Variants in GHR observed in about 807,000 individuals in gnomAD.
GHR encodes growth hormone receptor, also known as GH receptor.
Under a neutral mutation model 67.1 loss-of-function variants are expected in GHR, and 35 were observed. That is an observed-to-expected ratio of 0.52 (90% CI 0.40 to 0.69). The LOEUF (loss-of-function observed/expected upper bound fraction) is 0.69, where lower values mean the gene tolerates loss of function less well. GHR is among the 30% of genes least tolerant of loss of function. The probability of loss-of-function intolerance (pLI) is 0.00; values close to 1 mark genes in which losing one functional copy is unlikely to be tolerated. For synonymous variants in GHR, 272 were observed against 269.1 expected, an observed-to-expected ratio of 1.01 and a Z score of -0.10; for missense variants, 792 against 764.6, an observed-to-expected ratio of 1.04 and a Z score of -0.42.
chr5:42,468,584 G>C lies in GHR; in HGVS notation c.-12+44629G>C, dbSNP rs1744847094. 6.0e-6 allele frequency: 6 copies of C among 994,864 alleles called. No individual in the cohort carries two copies. The East Asian group carries it at 1.5e-4, about 25-fold the overall frequency. 61.6% of individuals were successfully genotyped at this position (994,864 alleles called of 1,614,324 possible). A position where few individuals can be genotyped will look rare whatever the true frequency, so the allele number is the denominator to read the frequency against. On this transcript the variant is annotated intron_variant, in intron 1 of 9. Coordinates refer to ENST00000230882, the MANE Select transcript of GHR (RefSeq NM_000163.5). ...TTTCTTAAGCACCATGGACGGCTGC[G>C]TCTCCTCTTTCCTGTCAACCACGCC...
At chr5:42,704,341 AG>A (rs1161417861) in intron 6 of GHR, among the ~76,000 whole-genome samples, 1 of 151,772 alleles carries the variant, frequency 6.6e-6, no homozygotes, top group Non-Finnish European at 1.5e-5. Context: ...GTTCTGTTAA[AG>A]TGATGTATTA....
intron 3 of GHR, among the ~76,000 whole-genome samples, chr5:42,634,590 C>T (rs1455698373): frequency 6.6e-6 from 1 of 152,020 alleles, no homozygotes; most frequent in Non-Finnish European, 1.5e-5. Context: ...ATCTTAAGTA[C>T]TCTTTGGCTA....
intron 2 of GHR, among the ~76,000 whole-genome samples, chr5:42,618,061 A>G (rs1178833421): frequency 1.3e-5 from 2 of 152,118 alleles, no homozygotes; most frequent in East Asian, 3.9e-4. Flanking sequence ...TTCTCAATAG[A>G]GCCGAGAACT....
intron 3 of GHR, among the ~76,000 whole-genome samples, chr5:42,665,881 T>C (rs1755945254): frequency 1.3e-5 from 2 of 152,134 alleles, no homozygotes; most frequent in African/African-American, 4.8e-5. Context: ...AAAGAAAGCA[T>C]GTGCAGGGGA....
intron 2 of GHR, among the ~76,000 whole-genome samples, chr5:42,587,676 T>C (rs1751552910): frequency 6.6e-6 from 1 of 152,118 alleles, no homozygotes; most frequent in Admixed American, 6.5e-5. Context: ...TTTTTTGTTT[T>C]TTTTTTGTTT....
intron 3 of GHR, among the ~76,000 whole-genome samples, chr5:42,657,833 C>T (rs1755338483): frequency 6.6e-6 from 1 of 152,254 alleles, no homozygotes; most frequent in East Asian, 1.9e-4. Flanking sequence ...GTTGGCCAGG[C>T]TGGCCTCAAA....
At chr5:42,700,551 C>A (rs532622941) in intron 6 of GHR, among the ~76,000 whole-genome samples, 7 of 152,240 alleles carry the variant, frequency 4.6e-5, no homozygotes, top group African/African-American at 1.7e-4. Flanking sequence ...ACCAGTTGAC[C>A]TCTGAATCCC....
intron 3 of GHR, among the ~76,000 whole-genome samples, chr5:42,686,020 C>T (rs1412046311): frequency 1.3e-5 from 2 of 152,132 alleles, no homozygotes; most frequent in East Asian, 3.8e-4. Context: ...TTTGCTCATG[C>T]CTATTTCCTG....
intron 1 of GHR, chr5:42,467,035 C>T (rs1744762430): frequency 6.4e-7 from 1 of 1,572,916 alleles, no homozygotes; most frequent in Middle Eastern, 1.7e-4. Flanking sequence ...GGCCTTCCCA[C>T]ACTCATTACA....
At chr5:42,707,506 A>C (rs1054492340) in intron 6 of GHR, among the ~76,000 whole-genome samples, 15 of 151,950 alleles carry the variant, frequency 9.9e-5, no homozygotes, top group African/African-American at 3.4e-4. Flanking sequence ...TACATTGATA[A>C]TTTGATAGGT....
At chr5:42,629,687 A>G (rs1248118943) in intron 3 of GHR, among the ~76,000 whole-genome samples, 1 of 130,984 alleles carries the variant, frequency 7.6e-6, no homozygotes, top group Admixed American at 7.4e-5. Flanking sequence ...TTTTTTTTCT[A>G]TTTTTTGCTT....
chr5:42,515,308 T>A (rs1280226461), intron 1 of GHR, among the ~76,000 whole-genome samples: 1 of 152,238 alleles, frequency 6.6e-6, no homozygotes. Context: ...AGACAGCTAC[T>A]ATTTACAATT....
intron 3 of GHR, among the ~76,000 whole-genome samples, chr5:42,654,640 A>T (rs931232031): frequency 1.3e-5 from 2 of 152,126 alleles, no homozygotes; most frequent in Admixed American, 1.3e-4. Flanking sequence ...AGACCCAAAA[A>T]GATATAAATC....
At chr5:42,603,144 T>C (rs975223600) in intron 2 of GHR, among the ~76,000 whole-genome samples, 1 of 298 alleles carries the variant, frequency 3.4e-3, no homozygotes, top group Admixed American at 0.025. Flanking sequence ...GGTTTTGTGT[T>C]TTTTTTTTCT....
intron 1 of GHR, among the ~76,000 whole-genome samples, chr5:42,478,959 T>G (rs188279516): frequency 1.2e-3 from 182 of 152,340 alleles, no homozygotes; most frequent in African/African-American, 4.2e-3. Context: ...CCCTGTTTTG[T>G]GCCCGTTTTC....
chr5:42,587,905 A>G (rs1379515519), intron 2 of GHR, among the ~76,000 whole-genome samples: 1 of 152,028 alleles, frequency 6.6e-6, no homozygotes, highest in African/African-American at 2.4e-5. Flanking sequence ...TCTACCCCTT[A>G]CTGTGAGTTA....
At chr5:42,681,503 G>C (rs1212163834) in intron 3 of GHR, among the ~76,000 whole-genome samples, 1 of 152,226 alleles carries the variant, frequency 6.6e-6, no homozygotes, top group Non-Finnish European at 1.5e-5. Context: ...CTTTTACACT[G>C]TTGGTGGGAG....
chr5:42,584,191 G>A (rs1173594777), intron 2 of GHR, among the ~76,000 whole-genome samples: 3 of 151,962 alleles, frequency 2.0e-5, no homozygotes, highest in Non-Finnish European at 4.4e-5. Flanking sequence ...TTAGTCTTCC[G>A]TGAAGTAATA....
rs151079272 is a variant in GHR, at chr5:42,627,867, G to T, written c.71-1171G>T. ...CAGAGGGCCAGTGTGACAGCTTTCT[G>T]TATCCCAAGCTCTTGCCCAGTGTCC... is the stretch of plus-strand genomic sequence containing the variant. On this transcript the variant is annotated intron_variant, in intron 2 of 9. Transcript: ENST00000230882. 9.6e-3 allele frequency among the ~76,000 whole-genome samples: 1,459 copies of T among 152,348 alleles called. 13 individuals carry two copies. Among genetic ancestry groups the T allele is most frequent in the Admixed American group, 0.019 (289 of 15,308 alleles).
Sources: gnomAD v4.1 joint callset for allele counts (sites outside exome capture counted in the v4.1 genomes callset) on GRCh38, gnomAD v4.1.1 for gene constraint, MANE v1.5 for transcripts, NCBI Gene and HGNC (gene_info 2026-07-23, HGNC 2026-07-21) for gene names.